ROBO1: variants seen among roughly 807,000 people sequenced by gnomAD.
ROBO1 encodes roundabout guidance receptor 1, also known as roundabout homolog 1.
A neutral mutation model predicts 195.9 loss-of-function variants in ROBO1; 149 were observed. The observed-to-expected ratio is 0.76, with a 90% confidence interval of 0.67 to 0.87. The LOEUF is 0.87. Ranked by LOEUF, ROBO1 falls within the 40% of genes least tolerant of loss-of-function variation. The pLI is 0.00. For synonymous variants in ROBO1, 816 were observed against 733.2 expected, an observed-to-expected ratio of 1.11 and a Z score of -1.82; for missense variants, 1,933 against 2,068.3, an observed-to-expected ratio of 0.93 and a Z score of 1.27.
chr3:78,996,327 CAAAAAA>C (rs1425161509), intron 3 of ROBO1, among the ~76,000 whole-genome samples: 1 of 11,194 alleles, frequency 8.9e-5, no homozygotes, highest in African/African-American at 1.7e-4. Context: ...ATTAAAAAAA[CAAAAAA>C]AAAAAACAAA....
intron 2 of ROBO1, among the ~76,000 whole-genome samples, chr3:79,271,419 C>T (rs941782794): frequency 6.6e-6 from 1 of 151,970 alleles, no homozygotes; most frequent in Non-Finnish European, 1.5e-5. Flanking sequence ...CAATAGTCCA[C>T]TAGTGGTTGA....
chr3:78,824,742 T>C (rs1023133073), intron 4 of ROBO1, among the ~76,000 whole-genome samples: 2 of 152,188 alleles, frequency 1.3e-5, no homozygotes, highest in African/African-American at 4.8e-5. Flanking sequence ...CCCTCATATT[T>C]TTGTAAGGAT....
intron 14 of ROBO1, 102 bp downstream of exon 14, chr3:78,667,781 T>C: frequency 1.7e-6 from 2 of 1,202,488 alleles, no homozygotes; most frequent in South Asian, 1.6e-5. Context: ...AACAACACAC[T>C]GTAAATGTAC....
At chr3:79,577,025 C>T (rs1943508089) in intron 2 of ROBO1, among the ~76,000 whole-genome samples, 1 of 152,068 alleles carries the variant, frequency 6.6e-6, no homozygotes, top group Non-Finnish European at 1.5e-5. Flanking sequence ...CATAAATTGT[C>T]TCTGGTCTAT....
intron 2 of ROBO1, among the ~76,000 whole-genome samples, chr3:79,542,402 T>A (rs1168407078): frequency 1.3e-5 from 2 of 152,068 alleles, no homozygotes; most frequent in Non-Finnish European, 2.9e-5. Context: ...AAAAGTATAA[T>A]TGTCACTTTC....
intron 1 of ROBO1, among the ~76,000 whole-genome samples, chr3:79,639,898 G>A (rs1195917325): frequency 6.6e-6 from 1 of 152,150 alleles, no homozygotes; most frequent in Non-Finnish European, 1.5e-5. Flanking sequence ...AGTTTCAGAT[G>A]TTTCAGTGAT....
chr3:79,384,832 T>G (rs764593824), intron 2 of ROBO1, among the ~76,000 whole-genome samples: 1 of 152,070 alleles, frequency 6.6e-6, no homozygotes, highest in Non-Finnish European at 1.5e-5. Flanking sequence ...AAACTAAGAA[T>G]ACTTTATCTC....
At chr3:79,758,429 A>G (rs1228995866) in intron 1 of ROBO1, among the ~76,000 whole-genome samples, 2 of 152,206 alleles carry the variant, frequency 1.3e-5, no homozygotes, top group Non-Finnish European at 2.9e-5. Context: ...ATACAGTGAT[A>G]TATTGTTGTC....
At chr3:78,741,467 C>T (rs2082532647) in intron 5 of ROBO1, among the ~76,000 whole-genome samples, 1 of 152,076 alleles carries the variant, frequency 6.6e-6, no homozygotes, top group Non-Finnish European at 1.5e-5. Flanking sequence ...AATGTTTTAA[C>T]TTTTTCCTTA....
At chr3:79,269,854 T>C (rs1279634494) in intron 2 of ROBO1, among the ~76,000 whole-genome samples, 1 of 151,716 alleles carries the variant, frequency 6.6e-6, no homozygotes, top group Non-Finnish European at 1.5e-5. Context: ...AAATCCTATA[T>C]TCCATATCTC....
chr3:78,638,345 CAT>C (rs373334745), intron 22 of ROBO1, among the ~76,000 whole-genome samples: 31 of 148,020 alleles, frequency 2.1e-4, no homozygotes, highest in Admixed American at 1.2e-3. Flanking sequence ...TTAATATGTA[CAT>C]ATATATATAT....
At chr3:79,316,530 T>C (rs1029628791) in intron 2 of ROBO1, among the ~76,000 whole-genome samples, 1 of 152,040 alleles carries the variant, frequency 6.6e-6, no homozygotes, top group Non-Finnish European at 1.5e-5. Context: ...TAGGTAGACA[T>C]GTGGATGAGG....
chr3:78,648,068 T>C (rs1321987778), intron 19 of ROBO1, among the ~76,000 whole-genome samples: 1 of 151,996 alleles, frequency 6.6e-6, no homozygotes, highest in African/African-American at 2.4e-5. Flanking sequence ...AGTAAATGCT[T>C]ATTAAAGTGA....
At chr3:78,651,394 TAACAAG>T (rs1559697004) in intron 19 of ROBO1, among the ~76,000 whole-genome samples, 1 of 152,012 alleles carries the variant, frequency 6.6e-6, no homozygotes, top group Non-Finnish European at 1.5e-5. Flanking sequence ...ATAATTCCAA[TAACAAG>T]AACATTAAAA....
At chr3:79,160,804 T>C (rs897194623) in intron 2 of ROBO1, among the ~76,000 whole-genome samples, 13 of 152,018 alleles carry the variant, frequency 8.6e-5, no homozygotes, top group Non-Finnish European at 1.0e-4. Flanking sequence ...TTAAGAGCAC[T>C]CAGTAACAAC....
At chr3:78,821,722 T>C (rs2030987814) in intron 4 of ROBO1, among the ~76,000 whole-genome samples, 1 of 152,166 alleles carries the variant, frequency 6.6e-6, no homozygotes, top group South Asian at 2.1e-4. Context: ...CCAAAGAGAT[T>C]GAGGTTGCAG....
At chr3:79,719,641 G>T (rs1178031916) in intron 1 of ROBO1, among the ~76,000 whole-genome samples, 1 of 152,062 alleles carries the variant, frequency 6.6e-6, no homozygotes, top group Non-Finnish European at 1.5e-5. Flanking sequence ...TAATTTTGAG[G>T]TTATGTCGCT....
intron 1 of ROBO1, among the ~76,000 whole-genome samples, chr3:79,701,212 T>C (rs1393771071): frequency 6.6e-6 from 1 of 151,820 alleles, no homozygotes; most frequent in Non-Finnish European, 1.5e-5. Context: ...TACCATGCTG[T>C]TTTGGTTACT....
intron 8 of ROBO1, among the ~76,000 whole-genome samples, chr3:78,711,388 TTC>T (rs1559773399): frequency 3.8e-3 from 179 of 46,916 alleles, no homozygotes; most frequent in East Asian, 7.6e-3. Flanking sequence ...CCTTCCTTCC[TTC>T]CTTCCTTCCT....
Sources: allele counts gnomAD v4.1 joint callset (sites outside exome capture counted in the v4.1 genomes callset), GRCh38; gene constraint gnomAD v4.1.1; transcripts MANE v1.5; gene names NCBI Gene and HGNC (gene_info 2026-07-23, HGNC 2026-07-21).